Variants in POT1 observed in about 807,000 individuals in gnomAD.
The protein encoded by POT1 is protection of telomeres 1, also known as protection of telomeres protein 1.
POT1 carries 47 observed loss-of-function variants against 78.5 expected under a neutral mutation model. That is an observed-to-expected ratio of 0.60 (90% confidence interval 0.47 to 0.76). The LOEUF (loss-of-function observed/expected upper bound fraction) is 0.76, where lower values mean the gene tolerates loss of function less well. Ranked by LOEUF, POT1 falls within the 30% of genes least tolerant of loss-of-function variation. The pLI is 0.00. For missense variants in POT1, 646 were observed against 749.9 expected (o/e 0.86, Z 1.62); for synonymous variants, 259 against 260.7 (o/e 0.99, Z 0.06).
chr7:124,896,668 A>G (rs1316300548), intron 5 of POT1, among the ~76,000 whole-genome samples: 1 of 151,806 alleles, frequency 6.6e-6, no homozygotes, highest in Non-Finnish European at 1.5e-5. Context: ...GCATCTTCCT[A>G]TTGCTATAAG....
Position 124,915,582 on chromosome 7 carries a change from C to T in POT1, c.-162G>A, listed in dbSNP as rs1385660691. On this transcript the variant is annotated 5_prime_UTR_variant, in exon 3 of 19. Coordinates refer to ENST00000357628, the MANE Select transcript of POT1 (RefSeq NM_015450.3). ...TTGCTTATACTATATACCTTGTAGT[C>T]CAATCTGCAAAACAGCTGTTTTATT... 2 of 151,870 alleles carry T rather than the reference C, an allele frequency of 1.3e-5. No individual in the cohort carries two copies. The highest frequency in any genetic ancestry group is 2.9e-5 in the Non-Finnish European group (2 of 67,954). 9.4% of individuals were successfully genotyped at this position (151,870 alleles called of 1,614,324 possible). A position where few individuals can be genotyped will look rare whatever the true frequency, so the allele number is the denominator to read the frequency against.
chr7:124,927,794 T>C (rs774283690), intron 2 of POT1, among the ~76,000 whole-genome samples: 4 of 152,172 alleles, frequency 2.6e-5, no homozygotes, highest in Non-Finnish European at 5.9e-5. Flanking sequence ...TCCCTAAGTA[T>C]GTACCCCCTA....
intron 11 of POT1, chr7:124,848,672 A>G (rs1795231711): frequency 1.1e-5 from 2 of 178,918 alleles, no homozygotes; most frequent in South Asian, 9.7e-5. Context: ...CAAAAGAAAA[A>G]AAAAAAAAAA....
chr7:124,833,958 A>C (rs1403448598), intron 15 of POT1, among the ~76,000 whole-genome samples: 1 of 152,198 alleles, frequency 6.6e-6, no homozygotes, highest in East Asian at 1.9e-4. Flanking sequence ...ACACCACCAC[A>C]CATCTGCAAC....
intron 3 of POT1, among the ~76,000 whole-genome samples, chr7:124,910,451 T>A (rs1260507868): frequency 1.3e-5 from 2 of 151,960 alleles, no homozygotes; most frequent in African/African-American, 4.8e-5. Context: ...TAACAGTTAA[T>A]ACTTAAATGA....
intron 2 of POT1, among the ~76,000 whole-genome samples, chr7:124,922,297 TA>T (rs1272681702): frequency 1.3e-5 from 2 of 152,012 alleles, no homozygotes; most frequent in African/African-American, 2.4e-5. Context: ...GATCTACAGG[TA>T]AAAATGAAGA....
Position 124,839,432 on chromosome 7 carries a change from A to G in POT1, c.1369+1541T>C, listed in dbSNP as rs536837069. ...TGTCAACTGCATTAACTTGGCATGA[A>G]TATCAGTGAATACTGCTGCAGGTCC... is the stretch of plus-strand genomic sequence containing the variant. On this transcript the variant is annotated intron_variant, in intron 14 of 18. Coordinates refer to ENST00000357628, the MANE Select transcript of POT1 (RefSeq NM_015450.3). 2.0e-4 allele frequency among the ~76,000 whole-genome samples: 30 copies of G among 152,344 alleles called. 1 individual carries two copies. The highest frequency in any genetic ancestry group is 5.0e-4 in the African/African-American group (21 of 41,586).
At chr7:124,869,874 C>A (rs989616033) in intron 7 of POT1, among the ~76,000 whole-genome samples, 9 of 152,128 alleles carry the variant, frequency 5.9e-5, no homozygotes, top group Admixed American at 2.0e-4. Flanking sequence ...AGCTACCATG[C>A]CTGGCTATGA....
intron 8 of POT1, among the ~76,000 whole-genome samples, chr7:124,859,429 T>C (rs1398681659): frequency 6.6e-6 from 1 of 152,038 alleles, no homozygotes; most frequent in Non-Finnish European, 1.5e-5. Context: ...TATTAAAATA[T>C]TTTTGCACAT....
At chr7:124,861,880 T>C (rs1394720893) in intron 8 of POT1, among the ~76,000 whole-genome samples, 1 of 152,190 alleles carries the variant, frequency 6.6e-6, no homozygotes, top group Non-Finnish European at 1.5e-5. Context: ...CCATTGCTTG[T>C]TTTTGTCAGG....
intron 3 of POT1, among the ~76,000 whole-genome samples, chr7:124,910,729 G>T (rs184971491): frequency 6.6e-6 from 1 of 151,994 alleles, no homozygotes; most frequent in African/African-American, 2.4e-5. Context: ...ATTAGAATTT[G>T]CATCTCTTTA....
chr7:124,878,874 T>G (rs1796052592), intron 6 of POT1, among the ~76,000 whole-genome samples: 1 of 151,878 alleles, frequency 6.6e-6, no homozygotes, highest in Admixed American at 6.6e-5. Flanking sequence ...ATGCTCATAA[T>G]TATGACAAAA....
chr7:124,873,903 A>G (rs1440212509), intron 6 of POT1, among the ~76,000 whole-genome samples: 4 of 152,178 alleles, frequency 2.6e-5, no homozygotes, highest in African/African-American at 4.8e-5. Context: ...GCCAAAATCC[A>G]GAAGATACTA....
intron 6 of POT1, among the ~76,000 whole-genome samples, chr7:124,880,625 T>G (rs1279397941): frequency 6.6e-6 from 1 of 152,058 alleles, no homozygotes; most frequent in Non-Finnish European, 1.5e-5. Flanking sequence ...GATTTTTCTA[T>G]GAAGATGTCA....
intron 13 of POT1, among the ~76,000 whole-genome samples, chr7:124,841,709 C>T (rs754051886): frequency 2.0e-5 from 3 of 151,968 alleles, no homozygotes; most frequent in Non-Finnish European, 4.4e-5. Context: ...TGGCTTTCTT[C>T]TGGTTCTGTT....
At chr7:124,906,081 G>A (rs1325723560) in intron 3 of POT1, among the ~76,000 whole-genome samples, 2 of 152,066 alleles carry the variant, frequency 1.3e-5, no homozygotes, top group East Asian at 1.9e-4. Context: ...ACACTGTCGC[G>A]ATTCCTCAAA....
chr7:124,841,979 A>G (rs1411560391), intron 13 of POT1, among the ~76,000 whole-genome samples: 5 of 152,150 alleles, frequency 3.3e-5, no homozygotes, highest in African/African-American at 1.2e-4. Flanking sequence ...TAAAATAAAA[A>G]ATTTCTTCAA....
intron 2 of POT1, among the ~76,000 whole-genome samples, chr7:124,919,224 T>C (rs1797088528): frequency 6.6e-6 from 1 of 151,974 alleles, no homozygotes; most frequent in Non-Finnish European, 1.5e-5. Flanking sequence ...CTAGAAAAGG[T>C]AGAGTAAAAA....
intron 3 of POT1, among the ~76,000 whole-genome samples, chr7:124,912,769 G>T (rs1199712348): frequency 6.6e-6 from 1 of 152,084 alleles, no homozygotes; most frequent in South Asian, 2.1e-4. Flanking sequence ...GATGTATTCA[G>T]AGTAATATTT....
Sources: gnomAD v4.1 joint callset for allele counts (sites outside exome capture counted in the v4.1 genomes callset) on GRCh38, gnomAD v4.1.1 for gene constraint, MANE v1.5 for transcripts, NCBI Gene and HGNC (gene_info 2026-07-23, HGNC 2026-07-21) for gene names.